MAGI3: variants seen among roughly 807,000 people sequenced by gnomAD.
MAGI3 encodes membrane-associated guanylate kinase, WW and PDZ domain-containing protein 3.
Under a neutral mutation model 121.8 loss-of-function variants are expected in MAGI3, and 43 were observed. The observed-to-expected ratio is 0.35, with a 90% confidence interval of 0.28 to 0.46. MAGI3 has a LOEUF of 0.46. Ranked by LOEUF, MAGI3 falls within the 20% of genes least tolerant of loss-of-function variation. The pLI is 1.00. For missense variants in MAGI3, 1,547 were observed against 1,797.3 expected (o/e 0.86, Z 2.52); for synonymous variants, 553 against 639.3 (o/e 0.86, Z 2.04).
intron 19 of MAGI3, among the ~76,000 whole-genome samples, chr1:113,677,107 C>T (rs561052383): frequency 7.2e-4 from 109 of 152,152 alleles, no homozygotes; most frequent in African/African-American, 2.5e-3. Flanking sequence ...TTGAGAGGTT[C>T]TTCCTTTCGG....
At chr1:113,605,389 A>G (rs79925084) in intron 6 of MAGI3, among the ~76,000 whole-genome samples, 3,495 of 152,288 alleles carry the variant, frequency 0.023, 141 homozygotes, top group African/African-American at 0.079. Context: ...ACCAGACACC[A>G]AAGAGTAGGT....
chr1:113,412,529 C>T (rs1282448842), intron 1 of MAGI3, among the ~76,000 whole-genome samples: 1 of 152,184 alleles, frequency 6.6e-6, no homozygotes, highest in Non-Finnish European at 1.5e-5. Context: ...TCCTCTCCAG[C>T]ACCTGTTGTT....
chr1:113,587,431 GGT>G (rs1648442531), intron 4 of MAGI3, among the ~76,000 whole-genome samples: 2 of 152,098 alleles, frequency 1.3e-5, no homozygotes, highest in Middle Eastern at 3.2e-3. Context: ...CCTGGCCTCT[GGT>G]GATCCGCCTG....
intron 1 of MAGI3, chr1:113,450,257 C>A: frequency 1.2e-6 from 2 of 1,601,702 alleles, no homozygotes; most frequent in Non-Finnish European, 1.7e-6. Context: ...GAGATGCAGT[C>A]TGCTGGATCA....
At chr1:113,624,046 T>G (rs1332124157) in intron 9 of MAGI3, among the ~76,000 whole-genome samples, 1 of 152,242 alleles carries the variant, frequency 6.6e-6, no homozygotes, top group Non-Finnish European at 1.5e-5. Flanking sequence ...TCTCATTCTT[T>G]TTATGGCTGA....
intron 2 of MAGI3, among the ~76,000 whole-genome samples, chr1:113,553,030 G>T (rs1166788766): frequency 1.3e-5 from 2 of 152,104 alleles, no homozygotes; most frequent in Non-Finnish European, 2.9e-5. Context: ...CCTAGAAGGG[G>T]TGCTTGATAC....
At chr1:113,678,630 G>A (rs190183891) in intron 19 of MAGI3, among the ~76,000 whole-genome samples, 96 of 152,184 alleles carry the variant, frequency 6.3e-4, no homozygotes, top group African/African-American at 8.4e-4. Flanking sequence ...TTAAATCTTC[G>A]TAATGATACA....
At chr1:113,450,320 T>C (rs190065447) in intron 1 of MAGI3, 8 of 1,506,206 alleles carry the variant, frequency 5.3e-6, no homozygotes, top group Non-Finnish European at 7.4e-6. Flanking sequence ...GGAGGAAACT[T>C]TGGAGGTGGT....
At chr1:113,474,482 G>A (rs2101547188) in intron 1 of MAGI3, among the ~76,000 whole-genome samples, 1 of 152,264 alleles carries the variant, frequency 6.6e-6, no homozygotes, top group East Asian at 1.9e-4. Context: ...TTCTGTATAT[G>A]GCTAGCCAGT....
At chr1:113,631,388 A>G (rs2101803088) in intron 9 of MAGI3, among the ~76,000 whole-genome samples, 1 of 152,266 alleles carries the variant, frequency 6.6e-6, no homozygotes, top group East Asian at 1.9e-4. Context: ...GTAGGCTTCT[A>G]TCCCGCCACT....
At chr1:113,416,335 AATCATAT>A (rs1652390673) in intron 1 of MAGI3, among the ~76,000 whole-genome samples, 1 of 42,284 alleles carries the variant, frequency 2.4e-5, no homozygotes, top group African/African-American at 1.0e-4. Context: ...ATTATATATC[AATCATAT>A]ATTAATTATA....
chr1:113,616,153 A>C (rs995578303), intron 7 of MAGI3, among the ~76,000 whole-genome samples: 3 of 152,194 alleles, frequency 2.0e-5, no homozygotes, highest in Non-Finnish European at 4.4e-5. Flanking sequence ...ATATTAAAGC[A>C]ACTTTAGGGC....
intron 7 of MAGI3, among the ~76,000 whole-genome samples, chr1:113,615,782 A>G (rs1249259916): frequency 1.3e-5 from 2 of 152,182 alleles, no homozygotes; most frequent in Non-Finnish European, 2.9e-5. Context: ...CCATTGTGTT[A>G]CTTAATGTCT....
At chr1:113,607,137 C>A (rs1314553561) in intron 6 of MAGI3, among the ~76,000 whole-genome samples, 1 of 152,080 alleles carries the variant, frequency 6.6e-6, no homozygotes. Flanking sequence ...TCAAAATGAT[C>A]ATACTCAAAC....
intron 1 of MAGI3, among the ~76,000 whole-genome samples, chr1:113,506,857 G>A (rs915912391): frequency 1.3e-5 from 2 of 152,134 alleles, no homozygotes; most frequent in Admixed American, 1.3e-4. Flanking sequence ...GTGGGGAGTC[G>A]ATGTACTAGC....
rs192983771 is a variant in MAGI3, at chr1:113,594,609, C to T, written c.1018+49C>T. Reference sequence around the variant, plus strand: ...ATCATACTTATTCTCTTAATCCTTTCTTGCTCTTCTTGCTCAGATAATGGG... The same window carrying T: ...ATCATACTTATTCTCTTAATCCTTTTTTGCTCTTCTTGCTCAGATAATGGG... On this transcript the variant is annotated intron_variant, in intron 6 of 20. Coordinates refer to ENST00000307546, the MANE Select transcript of MAGI3 (RefSeq NM_001142782.2). 1.1e-3 allele frequency: 1,575 copies of T among 1,462,330 alleles called. 3 individuals are homozygous for T. Among genetic ancestry groups the T allele is most frequent in the Non-Finnish European group, 1.1e-3 (1,205 of 1,065,176 alleles). 90.6% of individuals were successfully genotyped at this position (1,462,330 alleles called of 1,614,324 possible).
chr1:113,566,996 CAGG>C (rs1425375645), intron 2 of MAGI3, among the ~76,000 whole-genome samples: 6 of 147,574 alleles, frequency 4.1e-5, no homozygotes, highest in Admixed American at 1.3e-4. Flanking sequence ...TCAACCAAAC[CAGG>C]AGTTGTTTTT....
intron 1 of MAGI3, among the ~76,000 whole-genome samples, chr1:113,529,863 A>G (rs1215185353): frequency 2.0e-5 from 3 of 152,128 alleles, no homozygotes; most frequent in African/African-American, 7.2e-5. Context: ...AATAAAATAA[A>G]TATTACAGTA....
intron 2 of MAGI3, among the ~76,000 whole-genome samples, chr1:113,568,204 T>G (rs575998126): frequency 6.6e-6 from 1 of 152,074 alleles, no homozygotes; most frequent in Non-Finnish European, 1.5e-5. Flanking sequence ...GTAGGTAAAT[T>G]ATTTCTTTCA....
Sources: allele counts gnomAD v4.1 joint callset (sites outside exome capture counted in the v4.1 genomes callset), GRCh38; gene constraint gnomAD v4.1.1; transcripts MANE v1.5; gene names NCBI Gene and HGNC (gene_info 2026-07-23, HGNC 2026-07-21).